Variants in NBAS observed in about 807,000 individuals in gnomAD.
NBAS encodes the protein NBAS subunit of NRZ tethering complex.
Under a neutral mutation model 302.5 loss-of-function variants are expected in NBAS, and 219 were observed. That is an observed-to-expected ratio of 0.72 (90% CI 0.65 to 0.81). The LOEUF (loss-of-function observed/expected upper bound fraction) is 0.81. NBAS is among the 30% of genes least tolerant of loss of function. The probability of loss-of-function intolerance (pLI) is 0.00; values close to 1 mark genes in which losing one functional copy is unlikely to be tolerated. For synonymous variants in NBAS, 1,118 were observed against 1,021.6 expected (o/e 1.09, Z -1.80); for missense variants, 2,932 against 2,841.6 (o/e 1.03, Z -0.72).
chr2:15,255,788 G>A (rs1455707696), intron 44 of NBAS, among the ~76,000 whole-genome samples: 1 of 152,084 alleles, frequency 6.6e-6, no homozygotes, highest in African/African-American at 2.4e-5. Context: ...AAGTATCCCA[G>A]CACCATTTGT....
intron 25 of NBAS, among the ~76,000 whole-genome samples, chr2:15,407,948 T>C (rs954488098): frequency 6.6e-6 from 1 of 152,188 alleles, no homozygotes; most frequent in Non-Finnish European, 1.5e-5. Flanking sequence ...GTGCCCACAC[T>C]ACTTGTCTCA....
At chr2:14,923,488 A>G in the NBAS span, among the ~76,000 whole-genome samples, 54,416 of 151,976 alleles carry the variant, frequency 0.36, 9,961 homozygotes, top group African/African-American at 0.44. Context: ...TTTGTGACAA[A>G]TGCCAGGCCA....
At chr2:14,779,436 AG>A in the NBAS span, among the ~76,000 whole-genome samples, 1 of 152,138 alleles carries the variant, frequency 6.6e-6, no homozygotes, top group Admixed American at 6.5e-5. Flanking sequence ...AGCAGGCCCC[AG>A]GGACAGGCTC....
chr2:14,854,247 C>G, the NBAS span, among the ~76,000 whole-genome samples: 2 of 151,772 alleles, frequency 1.3e-5, no homozygotes, highest in African/African-American at 4.8e-5. Context: ...TTCAAATAAA[C>G]AACCTAATGA....
At chr2:15,335,106 G>A (rs1483740610) in intron 35 of NBAS, among the ~76,000 whole-genome samples, 3 of 150,394 alleles carry the variant, frequency 2.0e-5, no homozygotes, top group African/African-American at 7.4e-5. Context: ...GGAGGTCAAA[G>A]TGGGAGGACG....
At chr2:14,806,464 T>G in the NBAS span, among the ~76,000 whole-genome samples, 1 of 152,202 alleles carries the variant, frequency 6.6e-6, no homozygotes, top group African/African-American at 2.4e-5. Flanking sequence ...AAATTATTAT[T>G]GTGATAAGCT....
chr2:15,484,457 T>C (rs1680546230), intron 12 of NBAS, among the ~76,000 whole-genome samples: 1 of 152,144 alleles, frequency 6.6e-6, no homozygotes, highest in South Asian at 2.1e-4. Context: ...GTTCCATTAT[T>C]GGAATGCTAA....
At chr2:15,004,268 A>C in the NBAS span, among the ~76,000 whole-genome samples, 1 of 152,232 alleles carries the variant, frequency 6.6e-6, no homozygotes, top group Non-Finnish European at 1.5e-5. Flanking sequence ...AAAATAAATG[A>C]TATCTAGACC....
the NBAS span, among the ~76,000 whole-genome samples, chr2:14,975,087 T>C: frequency 4.6e-5 from 7 of 151,992 alleles, no homozygotes; most frequent in African/African-American, 1.7e-4. Flanking sequence ...TCCTCCAACC[T>C]CACAGAACAG....
intron 38 of NBAS, among the ~76,000 whole-genome samples, chr2:15,318,215 C>G (rs1457395177): frequency 6.6e-6 from 1 of 152,168 alleles, no homozygotes; most frequent in South Asian, 2.1e-4. Flanking sequence ...TTGTCACTAC[C>G]AGGCCTGCCT....
In NBAS at chr2:15,525,578, T is replaced by C. The variant is rs76847456; in HGVS notation, c.746+8965A>G. Among the ~76,000 whole-genome samples, 745 of 152,302 alleles carry C rather than the reference T, an allele frequency of 4.9e-3. 9 individuals carry two copies. The highest frequency in any genetic ancestry group is 0.018 in the African/African-American group (731 of 41,560). On this transcript the variant is annotated intron_variant, in intron 9 of 51. Transcript: ENST00000281513. ...TAGTAAAAATCAATGAATTATATAC[T>C]GGAACTCAGTGTCAAAGGGTCATCA...
At chr2:14,842,804 C>G in the NBAS span, among the ~76,000 whole-genome samples, 1 of 147,978 alleles carries the variant, frequency 6.8e-6, no homozygotes, top group African/African-American at 2.5e-5. Flanking sequence ...CAAACACATT[C>G]TATGAGGCCA....
chr2:14,948,442 A>G, the NBAS span, among the ~76,000 whole-genome samples: 15 of 152,108 alleles, frequency 9.9e-5, no homozygotes, highest in Non-Finnish European at 1.6e-4. Flanking sequence ...AGTAGCATTT[A>G]TTTATGCCAA....
At chr2:15,352,396 C>A (rs1236322265) in intron 34 of NBAS, among the ~76,000 whole-genome samples, 1 of 151,886 alleles carries the variant, frequency 6.6e-6, no homozygotes, top group Non-Finnish European at 1.5e-5. Context: ...GGGGCATATG[C>A]AGAAAAAGAG....
chr2:15,511,407 A>G lies in NBAS; in HGVS notation c.747-57T>C, dbSNP rs1206378734. On this transcript the variant is annotated intron_variant, in intron 9 of 51. Transcript: ENST00000281513. ...AATTGCAAATATAAATAAGAGCAAA[A>G]CAAAGAGAGCAGAAACAGTCACCTT... 15 of 1,516,228 alleles carry G rather than the reference A, an allele frequency of 9.9e-6. No homozygotes were observed. In the African/African-American group the frequency reaches 1.4e-4, roughly 14 times the overall value. The allele number at this position is 1,516,228 out of a possible 1,614,324, so 93.9% of individuals were successfully genotyped here.
intron 28 of NBAS, 141 bp from the exon 29 acceptor site, chr2:15,383,458 T>C (rs992764901): frequency 5.6e-6 from 4 of 710,044 alleles, no homozygotes; most frequent in African/African-American, 5.4e-5. Flanking sequence ...TCAAAAAGAA[T>C]ATATCTCCTT....
chr2:15,286,067 G>T (rs558137708), intron 42 of NBAS, among the ~76,000 whole-genome samples: 1 of 152,208 alleles, frequency 6.6e-6, no homozygotes, highest in East Asian at 1.9e-4. Context: ...AAGAACCTAG[G>T]GATGCTTCGC....
intron 47 of NBAS, among the ~76,000 whole-genome samples, chr2:15,228,674 G>T (rs1441311024): frequency 6.6e-6 from 1 of 152,220 alleles, no homozygotes; most frequent in Non-Finnish European, 1.5e-5. Context: ...CCTGTCATTT[G>T]CAGTAACATG....
the NBAS span, among the ~76,000 whole-genome samples, chr2:15,115,984 A>G: frequency 2.0e-5 from 3 of 152,208 alleles, no homozygotes; most frequent in Non-Finnish European, 4.4e-5. Flanking sequence ...AGCAGGTTAC[A>G]TAATGCCTTA....
Sources: allele counts gnomAD v4.1 joint callset (sites outside exome capture counted in the v4.1 genomes callset), GRCh38; gene constraint gnomAD v4.1.1; transcripts MANE v1.5; gene names NCBI Gene and HGNC (gene_info 2026-07-23, HGNC 2026-07-21).